EPHA4: variants seen among roughly 807,000 people sequenced by gnomAD.
EPHA4 encodes EPH receptor A4, also known as ephrin type-A receptor 4.
EPHA4 carries 19 observed loss-of-function variants against 108.3 expected under a neutral mutation model. The ratio of observed to expected loss-of-function variants is 0.18; its 90% confidence interval spans 0.12 to 0.26. EPHA4 has a LOEUF of 0.26. Ranked by LOEUF, EPHA4 falls within the 10% of genes least tolerant of loss-of-function variation. EPHA4 has a pLI of 1.00. For missense variants in EPHA4, 917 were observed against 1,254.0 expected, an observed-to-expected ratio of 0.73 and a Z score of 4.06; for synonymous variants, 449 against 455.5, an observed-to-expected ratio of 0.99 and a Z score of 0.18.
chr2:221,508,787 G>C (rs1371062833), intron 3 of EPHA4, among the ~76,000 whole-genome samples: 1 of 152,072 alleles, frequency 6.6e-6, no homozygotes, highest in African/African-American at 2.4e-5. Context: ...ACAGAACTCT[G>C]TTATGCTAAA....
chr2:221,523,584 G>A (rs1693237303), intron 3 of EPHA4, among the ~76,000 whole-genome samples: 1 of 150,430 alleles, frequency 6.6e-6, no homozygotes, highest in African/African-American at 2.5e-5. Flanking sequence ...ACCGTGCCTG[G>A]CCAGAATATT....
chr2:221,434,061 C>T lies in EPHA4; in HGVS notation c.2496+81G>A, dbSNP rs116129113. 1.5e-3 allele frequency: 2,177 copies of T among 1,444,828 alleles called. 27 individuals carry two copies. In the African/African-American group the frequency reaches 0.027, roughly 18 times the overall value. The allele number at this position is 1,444,828 out of a possible 1,614,324, so 89.5% of individuals were successfully genotyped here. ...GAGTTTAATGTATCATTTCAAACCC[C>T]GTGCCCACTCCATCATACAGTAATG... On this transcript the variant is annotated intron_variant, in intron 14 of 17. Coordinates refer to ENST00000281821, the MANE Select transcript of EPHA4 (RefSeq NM_004438.5).
In EPHA4 at chr2:221,421,087, G is replaced by A. The variant is rs1316031919; in HGVS notation, c.*820-535C>T. Among the ~76,000 whole-genome samples, 3 of 152,154 alleles carry A rather than the reference G, an allele frequency of 2.0e-5. No homozygotes were observed. In the South Asian group the frequency reaches 6.2e-4, roughly 32 times the overall value. On this transcript the variant is annotated intron_variant, in intron 17 of 17. Coordinates refer to ENST00000281821, the MANE Select transcript of EPHA4 (RefSeq NM_004438.5). ...CCGAGGTGGGCGGATCACGAGGTCA[G>A]GAGATTGAGACCATCCTGGCTAACG... is the stretch of plus-strand genomic sequence containing the variant.
At chr2:221,565,486 G>A (rs1694602152) in intron 2 of EPHA4, among the ~76,000 whole-genome samples, 1 of 151,902 alleles carries the variant, frequency 6.6e-6, no homozygotes, top group Non-Finnish European at 1.5e-5. Context: ...ATAATTAGAA[G>A]GAACAAGAGA....
In EPHA4 at chr2:221,442,824, C is replaced by A; in HGVS notation, c.2074+5G>T. On this transcript the variant is annotated splice_donor_5th_base_variant and intron_variant, in intron 11 of 17. Coordinates refer to ENST00000281821, the MANE Select transcript of EPHA4 (RefSeq NM_004438.5). ...TTGGCTTTGTAAAGGGGGTGACCCA[C>A]GTACATTTAGTGACCACGCCTTCCA... 6.2e-7 allele frequency: 1 copy of A among 1,613,980 alleles called. No homozygotes were observed. The highest frequency in any genetic ancestry group is 8.5e-7 in the Non-Finnish European group (1 of 1,179,918).
intron 11 of EPHA4, among the ~76,000 whole-genome samples, chr2:221,440,293 G>C (rs747422876): frequency 1.4e-4 from 21 of 152,176 alleles, no homozygotes; most frequent in Non-Finnish European, 2.4e-4. Context: ...TTAGAGGCGC[G>C]GTGGGACTTT....
At chr2:221,443,712 T>A (rs1422517148) in intron 9 of EPHA4, 106 bp from the exon 10 acceptor site, 5 of 757,968 alleles carry the variant, frequency 6.6e-6, no homozygotes, top group African/African-American at 1.7e-5. Context: ...TCAAGTTAGC[T>A]GTACGGTCTT....
intron 5 of EPHA4, among the ~76,000 whole-genome samples, chr2:221,458,761 C>T (rs80303107): frequency 6.6e-5 from 10 of 152,302 alleles, no homozygotes; most frequent in African/African-American, 2.2e-4. Flanking sequence ...CTCACTTCTC[C>T]GCTGCAGTGG....
At chr2:221,474,609 G>A (rs548328273) in intron 5 of EPHA4, among the ~76,000 whole-genome samples, 1 of 152,168 alleles carries the variant, frequency 6.6e-6, no homozygotes, top group Non-Finnish European at 1.5e-5. Context: ...TCTCCAACCA[G>A]CTACCGATTC....
chr2:221,436,955 A>G (rs1690260545), intron 12 of EPHA4, 106 bp downstream of exon 12: 1 of 829,400 alleles, frequency 1.2e-6, no homozygotes, highest in Non-Finnish European at 2.0e-6. Context: ...TTCTTTGCCC[A>G]TTAAAAGAAA....
chr2:221,505,677 T>C (rs1396647611), intron 3 of EPHA4, among the ~76,000 whole-genome samples: 1 of 152,188 alleles, frequency 6.6e-6, no homozygotes, highest in Non-Finnish European at 1.5e-5. Context: ...TCTATGTGGC[T>C]TGCATTATAT....
chr2:221,483,299 G>A (rs1236789523), intron 4 of EPHA4, among the ~76,000 whole-genome samples: 1 of 152,090 alleles, frequency 6.6e-6, no homozygotes. Context: ...TTTTGTTCAA[G>A]GCTCCCAGAC....
At chr2:221,422,942 T>C (rs1360258071) in intron 17 of EPHA4, among the ~76,000 whole-genome samples, 2 of 152,190 alleles carry the variant, frequency 1.3e-5, no homozygotes, top group South Asian at 4.1e-4. Context: ...TCTACCACCA[T>C]TGTATAAATA....
At chr2:221,478,120 C>A (rs1452610046) in intron 5 of EPHA4, among the ~76,000 whole-genome samples, 2 of 152,004 alleles carry the variant, frequency 1.3e-5, no homozygotes, top group South Asian at 4.2e-4. Context: ...TATGGTCCAG[C>A]CTCACAGCTA....
rs1414622279 is a variant in EPHA4, at chr2:221,425,900, A to G, written c.*128T>C. ...CTGTGCACCAAGCAACGCTGCAGAT[A>G]TTGTTTTTTTTTTTCATTTCTTTAA... On this transcript the variant is annotated 3_prime_UTR_variant, in exon 17 of 18. Coordinates refer to ENST00000281821, the MANE Select transcript of EPHA4 (RefSeq NM_004438.5). The G allele has an allele frequency of 1.6e-5, 13 of 802,138 alleles. No homozygotes were observed. In the East Asian group the frequency reaches 2.2e-4, roughly 14 times the overall value. The allele number at this position is 802,138 out of a possible 1,614,324, so 49.7% of individuals were successfully genotyped here. A position where few individuals can be genotyped will look rare whatever the true frequency, so the allele number is the denominator to read the frequency against.
At chr2:221,539,736 G>A (rs998646670) in intron 3 of EPHA4, among the ~76,000 whole-genome samples, 7 of 152,170 alleles carry the variant, frequency 4.6e-5, no homozygotes, top group Admixed American at 3.3e-4. Flanking sequence ...AAAGCCAATG[G>A]TGGTTTCAGA....
rs937807345 is a variant in EPHA4, at chr2:221,571,329, G to A, written c.91+829C>T. ...TAAATGATCACCGCCCCCCCGCCCC[G>A]CCCCACCTCCCGACACAGACACACA... On this transcript the variant is annotated intron_variant, in intron 1 of 17. Coordinates refer to ENST00000281821, the MANE Select transcript of EPHA4 (RefSeq NM_004438.5). This position sits in a 1 kb window ranked among gnomAD's most constrained non-coding sequence, Gnocchi z 6.3. Among the ~76,000 whole-genome samples, 3 of 50,994 alleles carry A rather than the reference G, an allele frequency of 5.9e-5. No homozygotes were observed. The highest frequency in any genetic ancestry group is 2.4e-4 in the African/African-American group (3 of 12,580). 33.5% of individuals were successfully genotyped at this position (50,994 alleles called of 152,430 possible).
intron 3 of EPHA4, among the ~76,000 whole-genome samples, chr2:221,540,668 G>T (rs1693808519): frequency 6.6e-6 from 1 of 152,180 alleles, no homozygotes; most frequent in South Asian, 2.1e-4. Flanking sequence ...TCCAGTCCCT[G>T]CAACTGGATA....
intron 17 of EPHA4, among the ~76,000 whole-genome samples, chr2:221,423,074 C>G (rs746259258): frequency 6.6e-6 from 1 of 152,156 alleles, no homozygotes; most frequent in Non-Finnish European, 1.5e-5. Context: ...ATTGGGGTTA[C>G]AAGTGAAAGA....
Sources: allele counts gnomAD v4.1 joint callset (sites outside exome capture counted in the v4.1 genomes callset), GRCh38; gene constraint gnomAD v4.1.1; non-coding constraint Gnocchi (gnomAD v3.1); transcripts MANE v1.5; gene names NCBI Gene and HGNC (gene_info 2026-07-23, HGNC 2026-07-21).